DMKN: variants seen among roughly 807,000 people sequenced by gnomAD.
DMKN encodes dermokine, also known as epidermis-specific secreted protein SK30/SK89.
In DMKN, 58 loss-of-function variants were observed where a neutral mutation model predicts 67.6. The ratio of observed to expected loss-of-function variants is 0.86; its 90% CI spans 0.69 to 1.07. The LOEUF is 1.07. Ranked by LOEUF, DMKN falls within the 50% of genes least tolerant of loss-of-function variation. The pLI is 0.00. For synonymous variants in DMKN, 240 were observed against 232.3 expected (o/e 1.03, Z -0.30); for missense variants, 596 against 601.5 (o/e 0.99, Z 0.10).
In DMKN at chr19:35,505,737, T is replaced by C. The variant is rs755949851; in HGVS notation, c.1115A>G (p.Asn372Ser). ...CCTTACCTTGTTTATGGCATCCCAG[T>C]TGATGAAACCCAGCTTGGATTTAAA... ...KNFKSKLGFI[N>S]WDAINKNQVP... Residue 372 changes from asparagine (N) to serine (S), a missense_variant, in exon 9 of 16, where the codon AAC becomes AGC. Physicochemically the swap from Asn to Ser is conservative, Grantham distance 46. Coordinates refer to ENST00000339686, the MANE Select transcript of DMKN (RefSeq NM_033317.5). The C allele has an allele frequency of 1.2e-6, 2 of 1,614,164 alleles. No individual in the cohort carries two copies. The highest frequency in any genetic ancestry group is 1.1e-5 in the South Asian group (1 of 91,086).
Position 35,511,473 on chromosome 19 carries a change from TGCTGCCGCC to T in DMKN, c.847_855del (p.Gly283_Ser285del). On this transcript the variant is annotated inframe_deletion, in exon 5 of 16. Coordinates refer to ENST00000339686, the MANE Select transcript of DMKN (RefSeq NM_033317.5). ...CCACTGTTGCCACTGCTGCCACCAC[TGCTGCCGCC>T]ACTGCTGCCGCCACTGCTGCTGCCA... 2.1e-6 allele frequency: 2 copies of T among 937,662 alleles called. No individual in the cohort carries two copies. The highest frequency in any genetic ancestry group is 3.6e-4 in the Middle Eastern group (1 of 2,802). 58.1% of individuals were successfully genotyped at this position (937,662 alleles called of 1,614,324 possible).
intron 15 of DMKN, 196 bp downstream of exon 15, chr19:35,498,520 T>C: frequency 4.1e-6 from 3 of 725,376 alleles, no homozygotes; most frequent in South Asian, 1.9e-5. Flanking sequence ...TAGATCACTT[T>C]ATTATGGGTC....
At chr19:35,509,769 G>T in intron 7 of DMKN, 142 bp downstream of exon 7, 1 of 897,466 alleles carries the variant, frequency 1.1e-6, no homozygotes, top group South Asian at 1.6e-5. Flanking sequence ...TTTTAGGAGT[G>T]CATTTGGTTT....
chr19:35,506,968 C>T (rs1473078286), intron 7 of DMKN: 1 of 177,844 alleles, frequency 5.6e-6, no homozygotes, highest in African/African-American at 2.4e-5. Flanking sequence ...TGCACATGGC[C>T]TATTATTTTC....
At chr19:35,504,733 A>C (rs2069112093) in intron 9 of DMKN, among the ~76,000 whole-genome samples, 1 of 152,098 alleles carries the variant, frequency 6.6e-6, no homozygotes, top group Non-Finnish European at 1.5e-5. Context: ...TCCTGAGCCC[A>C]GTCTTCTCTC....
At chr19:35,509,266 G>T (rs1014214587) in intron 7 of DMKN, among the ~76,000 whole-genome samples, 3 of 119,056 alleles carry the variant, frequency 2.5e-5, no homozygotes, top group African/African-American at 7.9e-5. Context: ...CAAATGGGAA[G>T]AAATTTTTTT....
Position 35,498,854 on chromosome 19 carries a change from G to T in DMKN, c.1383+20C>A. The T allele has an allele frequency of 6.2e-7, 1 of 1,614,150 alleles. No individual in the cohort carries two copies. Among genetic ancestry groups the T allele is most frequent in the Non-Finnish European group, 8.5e-7 (1 of 1,180,020 alleles). On this transcript the variant is annotated intron_variant, in intron 14 of 15. Transcript: ENST00000339686. ...CCCCTTCTCTCTCCAGCCAGATGAA[G>T]ATCAGGCCCCCATACTCACCGAGGA...
At position 35,511,480 on chromosome 19, in the gene DMKN, G is replaced by A. The variant is rs112672248; in HGVS notation, c.849C>T (p.Gly283=). 7.8e-4 allele frequency: 723 copies of A among 922,874 alleles called. 3 individuals are homozygous for A. The African/African-American group carries it at 0.012, about 16-fold the overall frequency. 57.2% of individuals were successfully genotyped at this position (922,874 alleles called of 1,614,324 possible). Residue 283 remains glycine, a synonymous_variant, in exon 5 of 16, where the codon GGC becomes GGT. Coordinates refer to ENST00000339686, the MANE Select transcript of DMKN (RefSeq NM_033317.5). ...SSGSSSGGSS[G]GSSGGSSGNS... ...TGCCACTGCTGCCACCACTGCTGCC[G>A]CCACTGCTGCCGCCACTGCTGCTGC...
At chr19:35,506,972 T>A (rs2069673188) in intron 7 of DMKN, 1 of 175,860 alleles carries the variant, frequency 5.7e-6, no homozygotes, top group South Asian at 1.2e-4. Context: ...CATGGCCTAT[T>A]ATTTTCTTTT....
rs1288286759 is a variant in DMKN, at chr19:35,513,258, T to A, written c.218A>T (p.Gln73Leu). ...AGTGCCAACTGCTTCTCTGGTCCCT[T>A]GGCCAAGGGCCTCACTGACTTTAGA... ...AGSKVSEALG[Q>L]GTREAVGTGV... Residue 73 changes from glutamine (Q) to leucine (L), a missense_variant, in exon 1 of 16, where the codon CAA (glutamine) becomes CTA (leucine). Coordinates refer to ENST00000339686, the MANE Select transcript of DMKN (RefSeq NM_033317.5). The A allele has an allele frequency of 6.2e-7, 1 of 1,614,254 alleles. No individual in the cohort carries two copies. The highest frequency in any genetic ancestry group is 1.7e-5 in the Admixed American group (1 of 60,034).
intron 7 of DMKN, chr19:35,507,599 A>T: frequency 1.7e-6 from 2 of 1,148,760 alleles, no homozygotes; most frequent in Non-Finnish European, 2.6e-6. Context: ...TCGGCGAGGG[A>T]TTCCTGAATC....
rs937925588 is a variant in DMKN, at chr19:35,506,278, C to T, written c.1039-292G>A. ...CTGCCCCGGATTGCTTCATCCCCAC[C>T]TCGGTCCAGGCTTCCTGTCCTCCTC... On this transcript the variant is annotated intron_variant, in intron 7 of 15. Coordinates refer to ENST00000339686, the MANE Select transcript of DMKN (RefSeq NM_033317.5). 19 of 1,309,356 alleles carry T rather than the reference C, an allele frequency of 1.5e-5. No individual in the cohort carries two copies. In the African/African-American group the frequency reaches 2.4e-4, roughly 16 times the overall value. The allele number at this position is 1,309,356 out of a possible 1,614,324, so 81.1% of individuals were successfully genotyped here.
rs146493471 is a variant in DMKN, at chr19:35,499,326, C to T, written c.1360-429G>A. The T allele has an allele frequency of 1.2e-3, 264 of 226,548 alleles. 5 individuals carry two copies. In the East Asian group the frequency reaches 0.029, roughly 25 times the overall value. 14.0% of individuals were successfully genotyped at this position (226,548 alleles called of 1,614,324 possible). Reference sequence around the variant, plus strand: ...CAGTGGAAGGTCCTCTCCCCAAGGGCGGGGACTTTATTGTCATGAGAGATG... The same window carrying T: ...CAGTGGAAGGTCCTCTCCCCAAGGGTGGGGACTTTATTGTCATGAGAGATG... On this transcript the variant is annotated intron_variant, in intron 13 of 15. Coordinates refer to ENST00000339686, the MANE Select transcript of DMKN (RefSeq NM_033317.5).
chr19:35,513,633 A>C lies in DMKN; in HGVS notation c.-158T>G. 1.1e-6 allele frequency: 1 copy of C among 929,326 alleles called. No homozygotes were observed. Among genetic ancestry groups the C allele is most frequent in the Non-Finnish European group, 1.6e-6 (1 of 639,630 alleles). The allele number at this position is 929,326 out of a possible 1,614,324, so 57.6% of individuals were successfully genotyped here. A position where few individuals can be genotyped will look rare whatever the true frequency, so the allele number is the denominator to read the frequency against. Reference sequence around the variant, plus strand: ...CTGCAGCCTTCTCTCTCCTGTCCTCAACTGCCTGGGCTTCTCAGAGTCCAC... The same window carrying C: ...CTGCAGCCTTCTCTCTCCTGTCCTCCACTGCCTGGGCTTCTCAGAGTCCAC... On this transcript the variant is annotated 5_prime_UTR_variant, in exon 1 of 16. Coordinates refer to ENST00000339686, the MANE Select transcript of DMKN (RefSeq NM_033317.5).
intron 12 of DMKN, 142 bp downstream of exon 12, chr19:35,500,391 G>T (rs2068152679): frequency 6.4e-7 from 1 of 1,551,732 alleles, no homozygotes; most frequent in Admixed American, 2.0e-5. Context: ...GGAAGTTACA[G>T]CTGCCACCTC....
At chr19:35,500,155 G>T in intron 12 of DMKN, 126 bp from the exon 13 acceptor site, 1 of 1,234,426 alleles carries the variant, frequency 8.1e-7, no homozygotes, top group Non-Finnish European at 1.2e-6. Context: ...CCCTCCTTGT[G>T]TCACGTGTTT....
intron 5 of DMKN, among the ~76,000 whole-genome samples, chr19:35,510,950 G>A (rs2070650417): frequency 6.6e-6 from 1 of 152,106 alleles, no homozygotes; most frequent in Non-Finnish European, 1.5e-5. Flanking sequence ...ATCGTGCAGG[G>A]GCCCCATGTG....
rs1197060051 is a variant in DMKN, at chr19:35,502,290, G to T, written c.1192-107C>A. ...ATCTCGGGTAGGAAGGAGCTTTTGG[G>T]TGTGGCTTGGGGTTGGAGGAAGGTA... On this transcript the variant is annotated intron_variant, in intron 10 of 15. Transcript: ENST00000339686. 4.5e-6 allele frequency: 5 copies of T among 1,123,480 alleles called. No individual in the cohort carries two copies. The East Asian group carries it at 9.5e-5, about 21-fold the overall frequency. 69.6% of individuals were successfully genotyped at this position (1,123,480 alleles called of 1,614,324 possible). A position where few individuals can be genotyped will look rare whatever the true frequency, so the allele number is the denominator to read the frequency against.
intron 5 of DMKN, among the ~76,000 whole-genome samples, chr19:35,511,070 C>T (rs1205806741): frequency 6.6e-6 from 1 of 152,224 alleles, no homozygotes; most frequent in Non-Finnish European, 1.5e-5. Context: ...TCTCCCATGT[C>T]CCCCTCTTTC....
Sources: allele counts gnomAD v4.1 joint callset (sites outside exome capture counted in the v4.1 genomes callset), GRCh38; gene constraint gnomAD v4.1.1; transcripts MANE v1.5; gene names NCBI Gene and HGNC (gene_info 2026-07-23, HGNC 2026-07-21).